The following ZBED6 variants were observed in gnomAD, a reference collection of about 807,000 sequenced individuals.
ZBED6 encodes the protein zinc finger BED-type containing 6, also known as zinc finger BED domain-containing protein 6.
Under a neutral mutation model 58.4 loss-of-function variants are expected in ZBED6, and 40 were observed. The ratio of observed to expected loss-of-function variants is 0.68; its 90% CI spans 0.53 to 0.89. ZBED6 has a LOEUF of 0.89. Among genes scored for constraint, ZBED6 ranks in the 40% least tolerant of loss-of-function variants. ZBED6 has a pLI of 0.00. For missense variants in ZBED6, 1,057 were observed against 1,003.9 expected (o/e 1.05, Z -0.71); for synonymous variants, 439 against 350.6 (o/e 1.25, Z -2.82).
chr1:203,838,148 C>A, intron 10 of ZBED6, 84 bp downstream of exon 10: 1 of 1,280,598 alleles, frequency 7.8e-7, no homozygotes. Flanking sequence ...GTTTTTCATT[C>A]TTTTGTTCAG....
intron 15 of ZBED6, 48 bp downstream of exon 15, chr1:203,850,729 A>G: frequency 6.3e-7 from 1 of 1,583,148 alleles, no homozygotes. Flanking sequence ...GTGGTAGGAA[A>G]GCAGGAAAGA....
chr1:203,800,763 T>G (rs10494844), exon 1 of ZBED6: 25,621 of 202,078 alleles, frequency 0.13, 2,093 homozygotes, highest in East Asian at 0.28. Flanking sequence ...CCTGGTAGAT[T>G]GAACTAGTAA....
At chr1:203,802,483 A>G (rs1412001774) in exon 1 of ZBED6, 1 of 152,552 alleles carries the variant, frequency 6.6e-6, no homozygotes, top group Admixed American at 6.6e-5. Context: ...TATTATATAC[A>G]TAAAACACTA....
intron 1 of ZBED6, chr1:203,805,881 T>G: frequency 1.3e-6 from 1 of 774,282 alleles, no homozygotes; most frequent in Non-Finnish European, 2.3e-6. Context: ...GCTGGTCTTG[T>G]AAATTCTCAA....
intron 10 of ZBED6, 142 bp downstream of exon 10, chr1:203,838,206 T>G: frequency 1.2e-6 from 1 of 826,310 alleles, no homozygotes; most frequent in South Asian, 1.9e-5. Context: ...CAACAAACAT[T>G]TGATCCTTAG....
At chr1:203,833,619 T>G (rs76202133) in intron 8 of ZBED6, among the ~76,000 whole-genome samples, 172 bp from the exon 9 acceptor site, 3 of 7,316 alleles carry the variant, frequency 4.1e-4, no homozygotes, top group African/African-American at 5.3e-4. Flanking sequence ...TAGGTTTGGG[T>G]TTTTTTTTTT....
At chr1:203,833,091 T>C (rs4951268) in intron 8 of ZBED6, among the ~76,000 whole-genome samples, 148,813 of 151,766 alleles carry the variant, frequency 0.98, 73,025 homozygotes, top group East Asian at 1. Context: ...AAAATTAGGC[T>C]GGGTGTGGTG....
intron 1 of ZBED6, among the ~76,000 whole-genome samples, chr1:203,803,245 G>T (rs1671069107): frequency 6.6e-6 from 1 of 152,038 alleles, no homozygotes; most frequent in South Asian, 2.1e-4. Context: ...AGGCTGGAGT[G>T]CAATGGTGCC....
chr1:203,813,805 TCTC>T (rs1372648102), intron 1 of ZBED6, among the ~76,000 whole-genome samples: 1 of 152,022 alleles, frequency 6.6e-6, no homozygotes, highest in Non-Finnish European at 1.5e-5. Flanking sequence ...ATGGTCATCT[TCTC>T]CTTGTGTGTC....
chr1:203,796,639 A>G (rs939248078), exon 1 of ZBED6: 12 of 394,714 alleles, frequency 3.0e-5, no homozygotes, highest in African/African-American at 1.9e-4. Flanking sequence ...GGGAGGGATC[A>G]ATCGAAAAAT....
rs1281577751 is a variant in ZBED6, at chr1:203,818,313, ACTTG to A, written c.*2754-256_*2754-253del. Among the ~76,000 whole-genome samples the A allele has an allele frequency of 3.6e-3, 545 of 152,240 alleles. 4 individuals carry two copies. Among genetic ancestry groups the A allele is most frequent in the Non-Finnish European group, 6.5e-3 (441 of 67,984 alleles). Reference sequence around the variant, plus strand: ...TTTTTAAAGAGGACCTAACACTCCTACTTGTCTTTTTCAACTCTTTTTTTCAGCT... The same window carrying A: ...TTTTTAAAGAGGACCTAACACTCCTATCTTTTTCAACTCTTTTTTTCAGCT... On this transcript the variant is annotated intron_variant, in intron 2 of 16. Coordinates refer to ENST00000550078, the Ensembl canonical transcript of ZBED6.
exon 1 of ZBED6, chr1:203,799,915 A>T: frequency 6.5e-7 from 1 of 1,536,094 alleles, no homozygotes. Flanking sequence ...CTTGCAGAAG[A>T]GGTCTGTAAT....
intron 10 of ZBED6, among the ~76,000 whole-genome samples, chr1:203,839,996 G>A (rs1295186127): frequency 6.6e-6 from 1 of 151,964 alleles, no homozygotes; most frequent in Non-Finnish European, 1.5e-5. Context: ...TAGAGATGGG[G>A]TTTCACCATG....
exon 1 of ZBED6, chr1:203,797,614 T>A: frequency 1.3e-6 from 2 of 1,535,830 alleles, no homozygotes; most frequent in Non-Finnish European, 1.7e-6. Context: ...CTGGGATGTG[T>A]TCCTATTAAT....
intron 1 of ZBED6, among the ~76,000 whole-genome samples, chr1:203,807,387 G>A (rs917623388): frequency 6.6e-6 from 1 of 152,138 alleles, no homozygotes; most frequent in Non-Finnish European, 1.5e-5. Context: ...CTGGGCTCAA[G>A]GCTTCCTCCA....
exon 1 of ZBED6, chr1:203,798,559 C>G (rs1025431641): frequency 6.5e-7 from 1 of 1,536,120 alleles, no homozygotes; most frequent in African/African-American, 1.4e-5. Context: ...TTGAGTGATA[C>G]CTTGCATGGA....
rs536332458 is a variant in ZBED6 at position 203,851,591 on chromosome 1, A to G, written c.*4873+467A>G. ...GTGATCCACCTTCCTCGTCTTCCCA[A>G]AGTGCTGGGATTACAGGCATGAGCT... On this transcript the variant is annotated intron_variant, in intron 16 of 16. Transcript: ENST00000550078. Among the ~76,000 whole-genome samples the G allele has an allele frequency of 3.4e-4, 51 of 152,232 alleles. 1 individual carries two copies. The highest frequency in any genetic ancestry group is 1.1e-3 in the African/African-American group (47 of 41,552).
chr1:203,838,701 A>G (rs549919419), intron 10 of ZBED6, among the ~76,000 whole-genome samples: 34 of 152,322 alleles, frequency 2.2e-4, no homozygotes, highest in African/African-American at 8.2e-4. Flanking sequence ...CTGTAATCCC[A>G]GTACTTTGGG....
intron 11 of ZBED6, among the ~76,000 whole-genome samples, chr1:203,842,431 C>T (rs1305244300): frequency 1.3e-5 from 2 of 152,232 alleles, no homozygotes; most frequent in East Asian, 3.9e-4. Flanking sequence ...ACCCCGTCTC[C>T]ACCAAAACAT....
Sources: allele counts gnomAD v4.1 joint callset (sites outside exome capture counted in the v4.1 genomes callset), GRCh38; gene constraint gnomAD v4.1.1; transcripts MANE v1.5; gene names NCBI Gene and HGNC (gene_info 2026-07-23, HGNC 2026-07-21).